Variants in CREBBP observed in about 807,000 individuals in gnomAD.
CREBBP encodes CREB binding lysine acetyltransferase.
In CREBBP, 19 loss-of-function variants were observed where a neutral mutation model predicts 265.0. The observed-to-expected ratio is 0.07, with a 90% confidence interval of 0.05 to 0.11. CREBBP has a LOEUF of 0.11. CREBBP is among the 10% of genes least tolerant of loss of function. CREBBP has a pLI of 1.00. For missense variants in CREBBP, 2,525 were observed against 3,219.0 expected, an observed-to-expected ratio of 0.78 and a Z score of 5.22; for synonymous variants, 1,457 against 1,223.7, an observed-to-expected ratio of 1.19 and a Z score of -3.98.
At chr16:3,760,380 A>T (rs1439598608) in intron 16 of CREBBP, among the ~76,000 whole-genome samples, 9 of 133,680 alleles carry the variant, frequency 6.7e-5, no homozygotes, top group African/African-American at 1.9e-4. Flanking sequence ...GCACTAAGCT[A>T]TCATGCCCAG....
intron 2 of CREBBP, among the ~76,000 whole-genome samples, chr16:3,839,809 AGAAAGAAAG>A (rs1219934164): frequency 6.7e-6 from 1 of 148,550 alleles, no homozygotes; most frequent in Admixed American, 6.6e-5. Context: ...GGAATGGAAA[AGAAAGAAAG>A]GAAAGAAAGA....
At chr16:3,760,208 C>T (rs1362134379) in intron 16 of CREBBP, among the ~76,000 whole-genome samples, 1 of 152,052 alleles carries the variant, frequency 6.6e-6, no homozygotes, top group Non-Finnish European at 1.5e-5. Flanking sequence ...CCTCCTGCCT[C>T]AGCCTCAGGA....
chr16:3,834,987 T>C lies in CREBBP; in HGVS notation c.798+15310A>G, dbSNP rs184802690. ...TCCTGGCTAACACGGTGAAACCCCG[T>C]CTCTAGTAAAAATACAAAAAATTGG... On this transcript the variant is annotated intron_variant, in intron 2 of 30. Transcript: ENST00000262367. 2.4e-3 allele frequency among the ~76,000 whole-genome samples: 360 copies of C among 151,924 alleles called. 1 individual carries two copies. Among genetic ancestry groups the C allele is most frequent in the African/African-American group, 8.3e-3 (342 of 41,412 alleles).
chr16:3,751,610 A>C (rs2052475626), intron 20 of CREBBP, 116 bp downstream of exon 20: 1 of 1,069,396 alleles, frequency 9.4e-7, no homozygotes, highest in African/African-American at 1.6e-5. Context: ...AAACCAAAAA[A>C]CATTGCAAGG....
chr16:3,783,544 C>A (rs1472558517), intron 5 of CREBBP, among the ~76,000 whole-genome samples: 3 of 152,242 alleles, frequency 2.0e-5, no homozygotes, highest in Non-Finnish European at 2.9e-5. Context: ...AGCAGAGCAC[C>A]ATGCTGAGCT....
At chr16:3,779,918 A>AG (rs2053233145) in intron 8 of CREBBP, among the ~76,000 whole-genome samples, 1 of 151,872 alleles carries the variant, frequency 6.6e-6, no homozygotes, top group Admixed American at 6.6e-5. Context: ...AGCTTGGGTA[A>AG]CCTGGCAAGA....
At chr16:3,851,306 TAAAA>T (rs1160251196) in intron 1 of CREBBP, among the ~76,000 whole-genome samples, 3 of 76,502 alleles carry the variant, frequency 3.9e-5, no homozygotes, top group African/African-American at 1.3e-4. Flanking sequence ...AAAAAAAAAT[TAAAA>T]AAAAAAAAAA....
At chr16:3,784,125 T>C (rs1304672985) in intron 5 of CREBBP, among the ~76,000 whole-genome samples, 1 of 152,202 alleles carries the variant, frequency 6.6e-6, no homozygotes, top group Non-Finnish European at 1.5e-5. Flanking sequence ...CCATTTTTGA[T>C]ACATAAAACA....
intron 1 of CREBBP, among the ~76,000 whole-genome samples, chr16:3,871,100 A>G (rs923509034): frequency 2.0e-5 from 3 of 151,394 alleles, no homozygotes; most frequent in Admixed American, 1.3e-4. Context: ...AAGAAAGAAA[A>G]AAGAAAGAAA....
rs2055504745 is a variant in CREBBP at position 3,880,295 on chromosome 16, A to C, written c.-379T>G. 7.4e-6 allele frequency: 1 copy of C among 134,258 alleles called. No individual in the cohort carries two copies. The highest frequency in any genetic ancestry group is 1.6e-5 in the Non-Finnish European group (1 of 61,372). The allele number at this position is 134,258 out of a possible 1,614,324, so 8.3% of individuals were successfully genotyped here. A position where few individuals can be genotyped will look rare whatever the true frequency, so the allele number is the denominator to read the frequency against. On this transcript the variant is annotated 5_prime_UTR_variant, in exon 1 of 31. Transcript: ENST00000262367. ...CGGGCGGCTCAGGCAGTCCCCGAGA[A>C]CATGGTGCCGCCGCCGCCGCCGCCT...
chr16:3,726,089 C>T lies in CREBBP; in HGVS notation c.*1629G>A, dbSNP rs1182485250. The T allele has an allele frequency of 3.0e-5, 7 of 233,174 alleles. No individual in the cohort carries two copies. Among genetic ancestry groups the T allele is most frequent in the East Asian group, 6.0e-5 (1 of 16,594 alleles). The allele number at this position is 233,174 out of a possible 1,614,324, so 14.4% of individuals were successfully genotyped here. A position where few individuals can be genotyped will look rare whatever the true frequency, so the allele number is the denominator to read the frequency against. On this transcript the variant is annotated 3_prime_UTR_variant, in exon 31 of 31. Coordinates refer to ENST00000262367, the MANE Select transcript of CREBBP (RefSeq NM_004380.3). ...GGACCTTTCTCACTGTAACAGGGAC[C>T]GGAGCTGGTGCTCCAAGGTGTCTGT... is the stretch of plus-strand genomic sequence containing the variant.
At chr16:3,797,804 G>A (rs539893763) in intron 3 of CREBBP, among the ~76,000 whole-genome samples, 3 of 151,818 alleles carry the variant, frequency 2.0e-5, no homozygotes, top group Admixed American at 2.0e-4. Context: ...ATGAACTAAA[G>A]TGAATAAAAA....
intron 28 of CREBBP, among the ~76,000 whole-genome samples, chr16:3,735,248 T>C (rs2052023419): frequency 6.6e-6 from 1 of 152,198 alleles, no homozygotes; most frequent in African/African-American, 2.4e-5. Context: ...TCTGGGTTCT[T>C]TTTGTTTCAC....
chr16:3,873,770 C>T (rs930052550), intron 1 of CREBBP, among the ~76,000 whole-genome samples: 1 of 152,156 alleles, frequency 6.6e-6, no homozygotes, highest in Non-Finnish European at 1.5e-5. Context: ...GGTTTGGTGG[C>T]CGGGTGGGAG....
chr16:3,757,000 G>A (rs911740928), intron 19 of CREBBP, among the ~76,000 whole-genome samples: 4 of 152,102 alleles, frequency 2.6e-5, no homozygotes, highest in African/African-American at 9.7e-5. Flanking sequence ...GGGCCTAAGT[G>A]ACTAACAAGA....
Position 3,731,514 on chromosome 16 carries a change from G to A in CREBBP, c.4891-41C>T, listed in dbSNP as rs1567265614. On this transcript the variant is annotated intron_variant, in intron 29 of 30. Transcript: ENST00000262367. This position sits in a 1 kb window ranked among gnomAD's most constrained non-coding sequence, Gnocchi z 7.7. ...GGCTTTAGTCCCACACAAGGGACAT[G>A]GCACCTCCAGTGGTGAGCTCAGGGC... 4 of 1,556,386 alleles carry A rather than the reference G, an allele frequency of 2.6e-6. No homozygotes were observed. Among genetic ancestry groups the A allele is most frequent in the Non-Finnish European group, 3.5e-6 (4 of 1,153,810 alleles).
intron 2 of CREBBP, among the ~76,000 whole-genome samples, chr16:3,820,036 T>TA (rs936331946): frequency 2.0e-5 from 3 of 152,082 alleles, no homozygotes; most frequent in Non-Finnish European, 2.9e-5. Context: ...ATATAAGGTG[T>TA]AAAAAAACAA....
chr16:3,787,285 C>A (rs1026408824), intron 5 of CREBBP, among the ~76,000 whole-genome samples: 1 of 152,148 alleles, frequency 6.6e-6, no homozygotes, highest in African/African-American at 2.4e-5. Flanking sequence ...GGCACGGCCA[C>A]AAGCCCTCAA....
chr16:3,761,461 A>G, intron 16 of CREBBP: 1 of 499,418 alleles, frequency 2.0e-6, no homozygotes, highest in Non-Finnish European at 4.0e-6. Flanking sequence ...AGCAAAAGTT[A>G]AAAGTTGGAA....
Sources: allele counts gnomAD v4.1 joint callset (sites outside exome capture counted in the v4.1 genomes callset), GRCh38; gene constraint gnomAD v4.1.1; non-coding constraint Gnocchi (gnomAD v3.1); transcripts MANE v1.5; gene names NCBI Gene and HGNC (gene_info 2026-07-23, HGNC 2026-07-21).